GRHL2: variants seen among roughly 807,000 people sequenced by gnomAD.
GRHL2 encodes the protein grainyhead like transcription factor 2.
A neutral mutation model predicts 83.8 loss-of-function variants in GRHL2; 21 were observed. The observed-to-expected ratio is 0.25, with a 90% CI of 0.18 to 0.36. The LOEUF is 0.36. GRHL2 is among the 10% of genes least tolerant of loss of function. The probability of loss-of-function intolerance (pLI) is 1.00; values close to 1 mark genes in which losing one functional copy is unlikely to be tolerated. For missense variants in GRHL2, 623 were observed against 781.8 expected (o/e 0.80, Z 2.42); for synonymous variants, 280 against 278.9 (o/e 1.00, Z -0.04).
chr8:101,492,698 A>C lies in GRHL2; in HGVS notation c.-72A>C. 7.3e-7 allele frequency: 1 copy of C among 1,377,394 alleles called. No homozygotes were observed. The highest frequency in any genetic ancestry group is 1.0e-6 in the Non-Finnish European group (1 of 963,566). 85.3% of individuals were successfully genotyped at this position (1,377,394 alleles called of 1,614,324 possible). A position where few individuals can be genotyped will look rare whatever the true frequency, so the allele number is the denominator to read the frequency against. On this transcript the variant is annotated 5_prime_UTR_variant, in exon 1 of 16. Transcript: ENST00000646743. ...GGCGCTCTCACACACCTTCACCTGCACAGACTTGAAAGTCCAGTTTCACCA... is the reference window on the plus strand; with the variant it reads ...GGCGCTCTCACACACCTTCACCTGCCCAGACTTGAAAGTCCAGTTTCACCA...
At chr8:101,652,605 G>C (rs1586173832) in intron 14 of GRHL2, among the ~76,000 whole-genome samples, 3 of 102,240 alleles carry the variant, frequency 2.9e-5, no homozygotes, top group African/African-American at 1.9e-4. Flanking sequence ...TGTGTGGTGT[G>C]TGTGTGTGGT....
chr8:101,555,475 G>A (rs1305910704), intron 3 of GRHL2, among the ~76,000 whole-genome samples: 1 of 152,004 alleles, frequency 6.6e-6, no homozygotes, highest in Non-Finnish European at 1.5e-5. Flanking sequence ...TTTCATGATG[G>A]ACTCTTTTTT....
intron 14 of GRHL2, among the ~76,000 whole-genome samples, chr8:101,661,160 A>G (rs1213842867): frequency 6.6e-6 from 1 of 152,226 alleles, no homozygotes; most frequent in Non-Finnish European, 1.5e-5. Flanking sequence ...AAAGTCCATC[A>G]GCTATCATTA....
chr8:101,527,409 C>T (rs532342424), intron 1 of GRHL2, among the ~76,000 whole-genome samples: 2 of 152,086 alleles, frequency 1.3e-5, no homozygotes, highest in Non-Finnish European at 2.9e-5. Flanking sequence ...CTTTGTTGCC[C>T]AGGCTGGTCT....
intron 1 of GRHL2, among the ~76,000 whole-genome samples, chr8:101,498,505 C>T (rs1012273497): frequency 6.6e-6 from 1 of 152,154 alleles, no homozygotes; most frequent in Non-Finnish European, 1.5e-5. Flanking sequence ...TAGTTTGATG[C>T]TGGTCTCTGG....
intron 9 of GRHL2, among the ~76,000 whole-genome samples, chr8:101,620,124 G>A (rs1291865644): frequency 6.6e-6 from 1 of 152,088 alleles, no homozygotes; most frequent in Non-Finnish European, 1.5e-5. Flanking sequence ...TCCTCACATG[G>A]CATAGAGAGA....
chr8:101,549,345 T>C (rs1021504156), intron 2 of GRHL2, among the ~76,000 whole-genome samples: 3 of 152,180 alleles, frequency 2.0e-5, no homozygotes, highest in Admixed American at 6.5e-5. Flanking sequence ...TTAAGTATAA[T>C]AGCAACACGA....
At chr8:101,663,475 G>C (rs1282371660) in intron 14 of GRHL2, among the ~76,000 whole-genome samples, 1 of 151,994 alleles carries the variant, frequency 6.6e-6, no homozygotes, top group Non-Finnish European at 1.5e-5. Context: ...AGCCAGGTGT[G>C]GTGGCACTCA....
chr8:101,502,037 GT>G (rs11329875), intron 1 of GRHL2, among the ~76,000 whole-genome samples: 132,082 of 151,984 alleles, frequency 0.87, 57,636 homozygotes, highest in African/African-American at 0.92. Context: ...CCAAATCATT[GT>G]TTTTTGGTTC....
chr8:101,532,648 G>C (rs572767601), intron 1 of GRHL2, among the ~76,000 whole-genome samples: 23 of 152,168 alleles, frequency 1.5e-4, no homozygotes, highest in African/African-American at 4.8e-4. Flanking sequence ...TACTCGGCGG[G>C]GGGGCTGAGG....
At chr8:101,562,552 T>C (rs1017952147) in intron 4 of GRHL2, 18 of 238,558 alleles carry the variant, frequency 7.5e-5, no homozygotes, top group Non-Finnish European at 1.4e-4. Flanking sequence ...AATTTTTATA[T>C]ATGGTGTGAG....
chr8:101,502,854 C>T lies in GRHL2; in HGVS notation c.20+10065C>T, dbSNP rs189777216. Among the ~76,000 whole-genome samples, 1,173 of 151,752 alleles carry T rather than the reference C, an allele frequency of 7.7e-3. 9 individuals are homozygous for T. The highest frequency in any genetic ancestry group is 9.6e-3 in the Non-Finnish European group (651 of 67,920). On this transcript the variant is annotated intron_variant, in intron 1 of 15. Transcript: ENST00000646743. Reference sequence around the variant, plus strand: ...CTTCTCCTTCTTTTTTTTCTTTCTCCCCCTTCTCCCTTTCCCTATTACTCC... The same window carrying T: ...CTTCTCCTTCTTTTTTTTCTTTCTCTCCCTTCTCCCTTTCCCTATTACTCC...
intron 4 of GRHL2, among the ~76,000 whole-genome samples, chr8:101,560,199 TGTGTG>T (rs1333932630): frequency 6.6e-6 from 1 of 152,038 alleles, no homozygotes; most frequent in African/African-American, 2.4e-5. Context: ...TGTGTGTGTG[TGTGTG>T]TTTTTAGTAG....
intron 5 of GRHL2, among the ~76,000 whole-genome samples, chr8:101,571,837 T>G (rs1811834744): frequency 6.6e-6 from 1 of 152,154 alleles, no homozygotes; most frequent in Non-Finnish European, 1.5e-5. Context: ...TGAAATTGCC[T>G]TCTAAAATGT....
intron 8 of GRHL2, among the ~76,000 whole-genome samples, chr8:101,613,055 G>T (rs772263838): frequency 6.6e-6 from 1 of 150,866 alleles, no homozygotes; most frequent in Non-Finnish European, 1.5e-5. Context: ...GTCAAGGCAG[G>T]TATTTCCGAA....
downstream of GRHL2, among the ~76,000 whole-genome samples, chr8:101,672,615 G>C (rs1402561546): frequency 2.0e-5 from 3 of 151,712 alleles, no homozygotes; most frequent in Non-Finnish European, 2.9e-5. Context: ...ATGGAACCAA[G>C]TTGGAAAACA....
Position 101,668,574 on chromosome 8 carries a change from T to A in GRHL2, c.*1871T>A, listed in dbSNP as rs1278119579. 1 of 152,894 alleles carries A rather than the reference T, an allele frequency of 6.5e-6. No homozygotes were observed. The highest frequency in any genetic ancestry group is 1.5e-5 in the Non-Finnish European group (1 of 68,298). The allele number at this position is 152,894 out of a possible 1,614,324, so 9.5% of individuals were successfully genotyped here. ...TGGGGCCAAAGGTTTGCATCGTGGA[T>A]CCAGCTGTGCTCCAGTCTGTCCCCT... On this transcript the variant is annotated 3_prime_UTR_variant, in exon 16 of 16. Transcript: ENST00000646743.
At chr8:101,537,679 A>T (rs183436358) in intron 1 of GRHL2, among the ~76,000 whole-genome samples, 5 of 152,292 alleles carry the variant, frequency 3.3e-5, no homozygotes, top group Non-Finnish European at 7.4e-5. Context: ...GCTCAAAGAG[A>T]CACCTGCTCA....
In GRHL2 at chr8:101,543,436, G is replaced by A. The variant is rs775989224; in HGVS notation, c.216G>A (p.Lys72=). 1.2e-6 allele frequency: 2 copies of A among 1,613,684 alleles called. No individual in the cohort carries two copies. Among genetic ancestry groups the A allele is most frequent in the African/African-American group, 2.7e-5 (2 of 74,896 alleles). ...TCGGCCTGCTCTATGACTACTACAA[G>A]GTAGGTCCCCAGCCTCCACTTTTCT... ...AALGLLYDYY[K]VPRDKRLLSV... is the part of the protein sequence containing the mutation. Residue 72 remains lysine, a splice_region_variant and synonymous_variant, in exon 2 of 16, where the codon AAG becomes AAA. Transcript: ENST00000646743.
Sources: allele counts gnomAD v4.1 joint callset (sites outside exome capture counted in the v4.1 genomes callset), GRCh38; gene constraint gnomAD v4.1.1; transcripts MANE v1.5; gene names NCBI Gene and HGNC (gene_info 2026-07-23, HGNC 2026-07-21).